RORA: variants seen among roughly 807,000 people sequenced by gnomAD.
RORA encodes nuclear receptor ROR-alpha.
A neutral mutation model predicts 69.5 loss-of-function variants in RORA; 7 were observed. The observed-to-expected ratio is 0.10, with a 90% CI of 0.06 to 0.19. The LOEUF is 0.19. Ranked by LOEUF, RORA falls within the 10% of genes least tolerant of loss-of-function variation. The pLI is 1.00. For missense variants in RORA, 457 were observed against 663.0 expected, an observed-to-expected ratio of 0.69 and a Z score of 3.41; for synonymous variants, 261 against 240.8, an observed-to-expected ratio of 1.08 and a Z score of -0.78.
At chr15:60,630,544 A>G (rs1025946430) in intron 2 of RORA, 19 of 152,418 alleles carry the variant, frequency 1.2e-4, no homozygotes, top group South Asian at 1.2e-3. Context: ...GACCAAGCAC[A>G]TGGTCCAACC....
chr15:61,167,482 ATTTTTTT>A (rs199752865), intron 1 of RORA, among the ~76,000 whole-genome samples: 76 of 133,624 alleles, frequency 5.7e-4, no homozygotes, highest in African/African-American at 1.4e-3. Context: ...TTTGACCAGG[ATTTTTTT>A]TTTTTTTTTT....
At chr15:60,778,519 A>C (rs2072207243) in intron 1 of RORA, among the ~76,000 whole-genome samples, 1 of 152,134 alleles carries the variant, frequency 6.6e-6, no homozygotes, top group Non-Finnish European at 1.5e-5. Context: ...AGGATGGATT[A>C]GCAGGGCTAG....
At chr15:61,197,297 T>C (rs566299728) in intron 1 of RORA, among the ~76,000 whole-genome samples, 1 of 152,328 alleles carries the variant, frequency 6.6e-6, no homozygotes, top group African/African-American at 2.4e-5. Flanking sequence ...GGGGAGACTT[T>C]AATAACAGGT....
intron 1 of RORA, among the ~76,000 whole-genome samples, chr15:60,798,857 A>T (rs341423): frequency 1.2e-3 from 189 of 152,260 alleles, no homozygotes; most frequent in African/African-American, 4.4e-3. Context: ...AGCATGTGTA[A>T]CTTACAGGGA....
intron 1 of RORA, among the ~76,000 whole-genome samples, chr15:61,164,180 T>C (rs1464444808): frequency 6.6e-6 from 1 of 152,094 alleles, no homozygotes; most frequent in African/African-American, 2.4e-5. Flanking sequence ...TAGTCTTAAC[T>C]ACGTATTAAT....
chr15:60,842,484 T>G (rs905828605), intron 1 of RORA, among the ~76,000 whole-genome samples: 5 of 152,230 alleles, frequency 3.3e-5, no homozygotes, highest in Admixed American at 1.3e-4. Context: ...GCTTCCTGAG[T>G]TAGTTCTCAC....
At chr15:60,795,867 A>G (rs1434464500) in intron 1 of RORA, among the ~76,000 whole-genome samples, 1 of 152,230 alleles carries the variant, frequency 6.6e-6, no homozygotes, top group Non-Finnish European at 1.5e-5. Flanking sequence ...TGTAATGGAG[A>G]TAACTTTGGG....
intron 1 of RORA, among the ~76,000 whole-genome samples, chr15:61,095,725 T>C (rs1566986544): frequency 6.6e-6 from 1 of 152,238 alleles, no homozygotes; most frequent in Admixed American, 6.5e-5. Flanking sequence ...CAAATAAGGA[T>C]GCTTGTTCGA....
At chr15:60,558,178 T>C (rs1420990191) in intron 2 of RORA, 3 of 1,341,940 alleles carry the variant, frequency 2.2e-6, no homozygotes, top group Admixed American at 1.7e-5. Context: ...CACATCTCCA[T>C]GGTCTCTGGA....
chr15:60,818,747 G>C (rs1303498665), intron 1 of RORA, among the ~76,000 whole-genome samples: 3 of 152,224 alleles, frequency 2.0e-5, no homozygotes, highest in Non-Finnish European at 4.4e-5. Context: ...TTCATCAGTA[G>C]GACAATGAAT....
chr15:60,929,696 T>A (rs527531052), intron 1 of RORA, among the ~76,000 whole-genome samples: 18 of 152,288 alleles, frequency 1.2e-4, no homozygotes, highest in African/African-American at 4.1e-4. Flanking sequence ...AATCGCCATA[T>A]CAGGAGGTTT....
In RORA at chr15:60,637,373, G is replaced by A. The variant is rs182113077; in HGVS notation, c.196+41284C>T. Among the ~76,000 whole-genome samples, 1,078 of 151,878 alleles carry A rather than the reference G, an allele frequency of 7.1e-3. 3 individuals carry two copies. The highest frequency in any genetic ancestry group is 0.01 in the Middle Eastern group (3 of 292). ...TTTGAAAAAATACATCTTCTTATCA[G>A]TTTGCTTTTTGTCCTTTTTGCTGAT... On this transcript the variant is annotated intron_variant, in intron 2 of 10. Transcript: ENST00000335670.
At chr15:61,026,132 C>T (rs561450303) in intron 1 of RORA, among the ~76,000 whole-genome samples, 33 of 152,294 alleles carry the variant, frequency 2.2e-4, no homozygotes, top group Non-Finnish European at 3.4e-4. Flanking sequence ...CATCAGTCTT[C>T]GTGAGCTACC....
intron 2 of RORA, among the ~76,000 whole-genome samples, chr15:60,637,868 A>G (rs993623285): frequency 1.3e-5 from 2 of 151,396 alleles, no homozygotes; most frequent in Non-Finnish European, 2.9e-5. Context: ...ATTTCTTTCA[A>G]CTTAAAAGGT....
At chr15:60,626,052 C>A (rs562629208) in intron 2 of RORA, among the ~76,000 whole-genome samples, 47 of 152,348 alleles carry the variant, frequency 3.1e-4, no homozygotes, top group African/African-American at 1.1e-3. Flanking sequence ...TCTCAGCACG[C>A]TGCTGCCTCA....
At chr15:60,975,086 A>G (rs1162006301) in intron 1 of RORA, among the ~76,000 whole-genome samples, 2 of 152,160 alleles carry the variant, frequency 1.3e-5, no homozygotes, top group Non-Finnish European at 2.9e-5. Flanking sequence ...GATTTCAACA[A>G]GGGAAGAAGC....
intron 1 of RORA, among the ~76,000 whole-genome samples, chr15:60,745,288 C>T (rs1345379126): frequency 1.3e-5 from 2 of 152,232 alleles, no homozygotes; most frequent in African/African-American, 4.8e-5. Context: ...AGGCTGAAGC[C>T]AAGAGCCCAC....
chr15:60,490,180 A>T lies in RORA; in HGVS notation c.*7275T>A. The T allele has an allele frequency of 6.6e-6, 1 of 151,316 alleles. No individual in the cohort carries two copies. Among genetic ancestry groups the T allele is most frequent in the Non-Finnish European group, 1.5e-5 (1 of 67,788 alleles). The allele number at this position is 151,316 out of a possible 1,614,324, so 9.4% of individuals were successfully genotyped here. A position where few individuals can be genotyped will look rare whatever the true frequency, so the allele number is the denominator to read the frequency against. ...TAGATATATATATATATGTATATAT[A>T]TACAAATATATAGTTATACTCAGTG... On this transcript the variant is annotated 3_prime_UTR_variant, in exon 11 of 11. Transcript: ENST00000335670. This position sits in a 1 kb window ranked among gnomAD's most constrained non-coding sequence, Gnocchi z 4.1.
chr15:61,026,230 G>A (rs1365519311), intron 1 of RORA, among the ~76,000 whole-genome samples: 1 of 152,140 alleles, frequency 6.6e-6, no homozygotes, highest in Non-Finnish European at 1.5e-5. Flanking sequence ...ACCTTCTGAT[G>A]CATGAGGCTC....
Sources: gnomAD v4.1 joint callset for allele counts (sites outside exome capture counted in the v4.1 genomes callset) on GRCh38, gnomAD v4.1.1 for gene constraint, Gnocchi (gnomAD v3.1) non-coding constraint, MANE v1.5 for transcripts, NCBI Gene and HGNC (gene_info 2026-07-23, HGNC 2026-07-21) for gene names.